RASGRP3: variants seen among roughly 807,000 people sequenced by gnomAD.
The protein encoded by RASGRP3 is ras guanyl-releasing protein 3.
In RASGRP3, 54 loss-of-function variants were observed where a neutral mutation model predicts 82.7. The observed-to-expected ratio is 0.65, with a 90% CI of 0.52 to 0.82. The LOEUF is 0.82. RASGRP3 is among the 40% of genes least tolerant of loss of function. RASGRP3 has a pLI of 0.00. For missense variants in RASGRP3, 861 were observed against 828.9 expected (o/e 1.04, Z -0.48); for synonymous variants, 309 against 300.5 (o/e 1.03, Z -0.29).
chr2:33,544,977 T>G (rs945063852), intron 13 of RASGRP3, among the ~76,000 whole-genome samples: 1 of 152,230 alleles, frequency 6.6e-6, no homozygotes, highest in African/African-American at 2.4e-5. Context: ...TAAATTTAAT[T>G]AGAAACATTA....
chr2:33,521,646 A>C (rs1672044657), intron 6 of RASGRP3, among the ~76,000 whole-genome samples: 1 of 152,190 alleles, frequency 6.6e-6, no homozygotes. Context: ...CTATATCCTG[A>C]TAAACTCCCA....
chr2:33,562,639 T>A (rs755692630), intron 17 of RASGRP3, 90 bp from the exon 18 acceptor site: 217 of 1,367,486 alleles, frequency 1.6e-4, no homozygotes, highest in Non-Finnish European at 2.1e-4. Context: ...AGATGTTCCC[T>A]CAAAGTCATC....
intron 7 of RASGRP3, 34 bp from the exon 8 acceptor site, chr2:33,523,845 T>G (rs773442203): frequency 6.4e-6 from 10 of 1,563,246 alleles, no homozygotes; most frequent in Non-Finnish European, 8.7e-6. Context: ...AAGGCTCTAT[T>G]ATAATTCAGA....
At chr2:33,488,952 CG>C (rs1278958839) in intron 1 of RASGRP3, among the ~76,000 whole-genome samples, 2 of 149,914 alleles carry the variant, frequency 1.3e-5, no homozygotes, top group African/African-American at 2.4e-5. Flanking sequence ...GGGGTTTGAC[CG>C]ATTTTTTTTT....
intron 10 of RASGRP3, among the ~76,000 whole-genome samples, chr2:33,529,677 C>G (rs1025194621): frequency 1.3e-5 from 2 of 151,918 alleles, no homozygotes; most frequent in Admixed American, 6.6e-5. Flanking sequence ...TGGCAAAATC[C>G]TAGATGTGAG....
At chr2:33,494,491 C>T (rs570224084) in intron 1 of RASGRP3, among the ~76,000 whole-genome samples, 11 of 152,312 alleles carry the variant, frequency 7.2e-5, no homozygotes, top group African/African-American at 2.6e-4. Flanking sequence ...CCCAAAGGGT[C>T]TACCGTGATG....
chr2:33,468,955 G>A (rs1666883960), intron 2 of RASGRP3, among the ~76,000 whole-genome samples: 2 of 152,094 alleles, frequency 1.3e-5, no homozygotes, highest in Admixed American at 6.5e-5. Context: ...CTCCTATGTT[G>A]TACGATTTAT....
At chr2:33,466,993 C>A (rs768118659) in intron 2 of RASGRP3, among the ~76,000 whole-genome samples, 1 of 151,984 alleles carries the variant, frequency 6.6e-6, no homozygotes, top group Non-Finnish European at 1.5e-5. Context: ...ATAGCATCTC[C>A]TTAGATCATT....
chr2:33,493,992 CT>C (rs1669086191), intron 1 of RASGRP3, among the ~76,000 whole-genome samples: 1 of 152,146 alleles, frequency 6.6e-6, no homozygotes, highest in Admixed American at 6.5e-5. Flanking sequence ...GCCTCATATA[CT>C]TTTTATGTCT....
intron 1 of RASGRP3, among the ~76,000 whole-genome samples, chr2:33,497,636 C>T (rs1278469653): frequency 6.6e-6 from 1 of 152,210 alleles, no homozygotes; most frequent in Non-Finnish European, 1.5e-5. Context: ...CTATTACTGA[C>T]ATTTCTAAAT....
intron 12 of RASGRP3, among the ~76,000 whole-genome samples, chr2:33,542,274 GTTT>G (rs1382120893): frequency 6.8e-6 from 1 of 146,506 alleles, no homozygotes; most frequent in Non-Finnish European, 1.5e-5. Flanking sequence ...ACATACATGG[GTTT>G]GTTTCAGGAC....
rs538873920 is a variant in RASGRP3, at chr2:33,447,422, C to G, written c.-384-398C>G. ...CCACATGCTACTCAAAGAGGTGCCC[C>G]AACCTTGGAGTGTGCACATTTTTTT... On this transcript the variant is annotated intron_variant, in intron 1 of 18. Transcript: ENST00000402538. Among the ~76,000 whole-genome samples, 9 of 149,696 alleles carry G rather than the reference C, an allele frequency of 6.0e-5. No homozygotes were observed. The South Asian group carries it at 1.5e-3, about 25-fold the overall frequency.
chr2:33,473,319 C>T (rs1222722608), upstream of RASGRP3, among the ~76,000 whole-genome samples: 1 of 151,830 alleles, frequency 6.6e-6, no homozygotes, highest in Non-Finnish European at 1.5e-5. Context: ...GGAGACGGAG[C>T]TTGCAGTGAG....
At chr2:33,486,937 C>T (rs1267889303) in intron 1 of RASGRP3, among the ~76,000 whole-genome samples, 3 of 151,644 alleles carry the variant, frequency 2.0e-5, no homozygotes, top group Admixed American at 6.6e-5. Flanking sequence ...TTTTTGAGAA[C>T]CGATTTATAT....
chr2:33,546,451 A>G (rs185579843), intron 13 of RASGRP3, among the ~76,000 whole-genome samples: 153 of 152,110 alleles, frequency 1.0e-3, no homozygotes, highest in African/African-American at 3.3e-3. Context: ...AAGTCAAAAA[A>G]TAACAGATGC....
chr2:33,516,603 G>A lies in RASGRP3; in HGVS notation c.132G>A (p.Trp44Ter). ...LPRIVLLMHRWYLSSTELAEK... is the reference protein window; with the variant it reads ...LPRIVLLMHR ...GAATAGTTCTACTGATGCACCGATG[G>A]TATTTATCTTCCACTGAATTGGCAG... Residue 44 changes from tryptophan (W) to a stop codon, truncating the protein, a stop_gained, in exon 4 of 18, where the codon TGG becomes TGA. Transcript: ENST00000403687. LOFTEE classifies it high-confidence loss of function. 6.3e-7 allele frequency: 1 copy of A among 1,592,832 alleles called. No homozygotes were observed. Among genetic ancestry groups the A allele is most frequent in the Non-Finnish European group, 8.6e-7 (1 of 1,165,282 alleles).
Position 33,493,942 on chromosome 2 carries a change from T to C in RASGRP3, c.-261+17235T>C, listed in dbSNP as rs1669080896. Among the ~76,000 whole-genome samples, 3 of 152,304 alleles carry C rather than the reference T, an allele frequency of 2.0e-5. No individual in the cohort carries two copies. The South Asian group carries it at 6.2e-4, about 32-fold the overall frequency. On this transcript the variant is annotated intron_variant, in intron 1 of 17. Transcript: ENST00000403687. ...GTGGCTTCGTGTCAGAAGACCCAGATGTTTTTAAAGCAAATGCATTAGTTC... is the reference window on the plus strand; with the variant it reads ...GTGGCTTCGTGTCAGAAGACCCAGACGTTTTTAAAGCAAATGCATTAGTTC...
Position 33,527,265 on chromosome 2 carries a change from C to G in RASGRP3, c.936C>G (p.Val312=), listed in dbSNP as rs1328480709. 2.5e-6 allele frequency: 4 copies of G among 1,613,910 alleles called. No homozygotes were observed. In the Admixed American group the frequency reaches 6.7e-5, roughly 27 times the overall value. ...TACACTTGAAAGACTTGATAGCTGT[C>G]CATGTCATTTTCCCAGACTGGACAG... The part of the protein sequence containing the change: ...LGVHLKDLIA[V]HVIFPDWTEE... The change falls in exon 10 of 18, where the codon GTC becomes GTG. Residue 312 remains valine (V), a synonymous_variant. Coordinates refer to ENST00000403687, the MANE Select transcript of RASGRP3 (RefSeq NM_001139488.2).
At chr2:33,550,306 A>G (rs1441285706) in intron 14 of RASGRP3, among the ~76,000 whole-genome samples, 1 of 152,160 alleles carries the variant, frequency 6.6e-6, no homozygotes, top group African/African-American at 2.4e-5. Context: ...TGAAGTGGGT[A>G]TTTTACTTTC....
Sources: allele counts gnomAD v4.1 joint callset (sites outside exome capture counted in the v4.1 genomes callset), GRCh38; gene constraint gnomAD v4.1.1; transcripts MANE v1.5; gene names NCBI Gene and HGNC (gene_info 2026-07-23, HGNC 2026-07-21).